Variants in METTL1 observed in about 807,000 individuals in gnomAD.
METTL1 encodes methyltransferase 1, tRNA methylguanosine.
METTL1 carries 14 observed loss-of-function variants against 27.7 expected under a neutral mutation model. The ratio of observed to expected loss-of-function variants is 0.51; its 90% CI spans 0.33 to 0.79. METTL1 has a LOEUF of 0.79. METTL1 is among the 30% of genes least tolerant of loss of function. The probability of loss-of-function intolerance (pLI) is 0.02; values close to 1 mark genes in which losing one functional copy is unlikely to be tolerated. For synonymous variants in METTL1, 138 were observed against 137.0 expected, an observed-to-expected ratio of 1.01 and a Z score of -0.05; for missense variants, 333 against 359.6, an observed-to-expected ratio of 0.93 and a Z score of 0.60.
chr12:57,769,651 C>T lies in METTL1; in HGVS notation c.487G>A (p.Asp163Asn), dbSNP rs754162485. Residue 163 changes from aspartate (D) to asparagine (N), a missense_variant, in exon 4 of 6, where the codon GAC becomes AAC. Physicochemically the swap from Asp to Asn is conservative, Grantham distance 23. Coordinates refer to ENST00000324871, the MANE Select transcript of METTL1 (RefSeq NM_005371.6). Reference sequence around the variant, plus strand: ...TGCTTTGTCCGCTTGAAATGTGGGTCGGGGAAGAGGAAGAACATCTTTGTC... The same window carrying T: ...TGCTTTGTCCGCTTGAAATGTGGGTTGGGGAAGAGGAAGAACATCTTTGTC... Reference protein sequence around the residue: ...QLTKMFFLFPDPHFKRTKHKW... With the variant: ...QLTKMFFLFPNPHFKRTKHKW... 15 of 1,561,944 alleles carry T rather than the reference C, an allele frequency of 9.6e-6. No homozygotes were observed. The highest frequency in any genetic ancestry group is 2.3e-5 in the East Asian group (1 of 44,368).
chr12:57,771,908 C>G, intron 1 of METTL1, 66 bp downstream of exon 1: 2 of 1,452,398 alleles, frequency 1.4e-6, no homozygotes, highest in Non-Finnish European at 1.8e-6. Context: ...GCAGTTGCAG[C>G]ACAACTGCTC....
In METTL1 at chr12:57,771,382, G is replaced by C. The variant is rs1423932490; in HGVS notation, c.111-125C>G. On this transcript the variant is annotated intron_variant, in intron 1 of 5. Coordinates refer to ENST00000324871, the MANE Select transcript of METTL1 (RefSeq NM_005371.6). ...GGGAGGAGGGTTTCTCAAAAATTCT[G>C]TAACACTGGGCCCTGTGGCCTCTAA... The C allele has an allele frequency of 3.4e-6, 5 of 1,471,648 alleles. No homozygotes were observed. The African/African-American group carries it at 7.1e-5, about 21-fold the overall frequency. 91.2% of individuals were successfully genotyped at this position (1,471,648 alleles called of 1,614,324 possible).
At position 57,769,120 on chromosome 12, in the gene METTL1, G is replaced by A. The variant is rs1310393638; in HGVS notation, c.707C>T (p.Thr236Ile). 8.1e-6 allele frequency: 13 copies of A among 1,606,918 alleles called. No homozygotes were observed. Among genetic ancestry groups the A allele is most frequent in the African/African-American group, 1.3e-5 (1 of 74,918 alleles). Residue 236 changes from threonine (T) to isoleucine (I), a missense_variant, in exon 6 of 6, where the codon ACC becomes ATC. By Grantham distance (89) the Thr-to-Ile change is moderately conservative. Coordinates refer to ENST00000324871, the MANE Select transcript of METTL1 (RefSeq NM_005371.6). ...AACTTTCTTCCCCTCCTCAGTTGAGGTGCCTAGATGTCCCACAACGGGGTC... is the reference window on the plus strand; with the variant it reads ...AACTTTCTTCCCCTCCTCAGTTGAGATGCCTAGATGTCCCACAACGGGGTC... ...SEDPVVGHLGTSTEEGKKVLR... is the reference protein window; with the variant it reads ...SEDPVVGHLGISTEEGKKVLR...
At position 57,771,960 on chromosome 12, in the gene METTL1, T is replaced by G. The variant is rs556221752; in HGVS notation, c.110+14A>C. The G allele has an allele frequency of 1.3e-6, 2 of 1,501,718 alleles. No individual in the cohort carries two copies. The highest frequency in any genetic ancestry group is 8.8e-7 in the Non-Finnish European group (1 of 1,130,926). The allele number at this position is 1,501,718 out of a possible 1,614,324, so 93.0% of individuals were successfully genotyped here. A position where few individuals can be genotyped will look rare whatever the true frequency, so the allele number is the denominator to read the frequency against. ...AATCCCGCCCTCCTCTCTCTCCCTC[T>G]GCCCACTCCTCACTAGCGCAGCGTG... On this transcript the variant is annotated intron_variant, in intron 1 of 5. Coordinates refer to ENST00000324871, the MANE Select transcript of METTL1 (RefSeq NM_005371.6).
rs1595125490 is a variant in METTL1, at chr12:57,772,073, T to C, written c.11A>G (p.Glu4Gly). Residue 4 changes from glutamate (E) to glycine (G), a missense_variant, in exon 1 of 6, where the codon GAG becomes GGG. Coordinates refer to ENST00000324871, the MANE Select transcript of METTL1 (RefSeq NM_005371.6). The surrounding 1 kb of genome is among the most constrained non-coding windows in gnomAD (Gnocchi z 4.1). MAA[E>G]TRNVAGAEAP... ...CTCTGCTCCGGCCACGTTCCGAGTC[T>C]CGGCTGCCATGATCCCAGTCCGGGG... The C allele has an allele frequency of 2.6e-6, 4 of 1,562,384 alleles. No homozygotes were observed. In the South Asian group the frequency reaches 4.8e-5, roughly 19 times the overall value.
At chr12:57,771,895 C>T in intron 1 of METTL1, 79 bp downstream of exon 1, 1 of 1,434,896 alleles carries the variant, frequency 7.0e-7, no homozygotes, top group Non-Finnish European at 9.3e-7. Flanking sequence ...CCAAATCCTC[C>T]CAGCAGTTGC....
intron 2 of METTL1, 58 bp downstream of exon 2, chr12:57,771,036 T>C (rs973848039): frequency 4.5e-6 from 7 of 1,569,816 alleles, no homozygotes; most frequent in Non-Finnish European, 6.0e-6. Flanking sequence ...CAAAAGTTGC[T>C]GAGGCAGCAG....
In METTL1 at chr12:57,769,835, C is replaced by T. The variant is rs776759442; in HGVS notation, c.396G>A (p.Gln132=). 5.0e-6 allele frequency: 8 copies of T among 1,614,200 alleles called. No homozygotes were observed. In the South Asian group the frequency reaches 6.6e-5, roughly 13 times the overall value. ...ALRAAPAGGF[Q]NIACLRSNAM... ...CATTGCTACGGAGACAGGCGATGTTCTGGAAGCCACCTGCAGGAGCTGCGC... is the reference window on the plus strand; with the variant it reads ...CATTGCTACGGAGACAGGCGATGTTTTGGAAGCCACCTGCAGGAGCTGCGC... Residue 132 remains glutamine (Q), a synonymous_variant, in exon 3 of 6, where the codon CAG becomes CAA. Coordinates refer to ENST00000324871, the MANE Select transcript of METTL1 (RefSeq NM_005371.6).
chr12:57,769,715 C>A, intron 3 of METTL1, 37 bp from the exon 4 acceptor site: 1 of 1,605,664 alleles, frequency 6.2e-7, no homozygotes. Flanking sequence ...GTTGTGAGAG[C>A]CTGGCCTCCA....
Position 57,772,013 on chromosome 12 carries a change from C to T in METTL1, c.71G>A (p.Arg24His). 3 of 1,552,010 alleles carry T rather than the reference C, an allele frequency of 1.9e-6. No individual in the cohort carries two copies. The highest frequency in any genetic ancestry group is 2.6e-6 in the Non-Finnish European group (3 of 1,157,414). Residue 24 changes from arginine to histidine, a missense_variant, in exon 1 of 6, where the codon CGT becomes CAT. Coordinates refer to ENST00000324871, the MANE Select transcript of METTL1 (RefSeq NM_005371.6). This position sits in a 1 kb window ranked among gnomAD's most constrained non-coding sequence, Gnocchi z 4.1. ...PPPQKRYYRQ[R>H]AHSNPMADHT... ...GTCCGCCATGGGGTTGGAGTGAGCACGTTGCCGGTAGTAGCGCTTCTGGGG... is the reference window on the plus strand; with the variant it reads ...GTCCGCCATGGGGTTGGAGTGAGCATGTTGCCGGTAGTAGCGCTTCTGGGG...
Position 57,769,695 on chromosome 12 carries a change from C to T in METTL1, c.460-17G>A. 6.3e-7 allele frequency: 1 copy of T among 1,596,254 alleles called. No homozygotes were observed. The highest frequency in any genetic ancestry group is 8.6e-7 in the Non-Finnish European group (1 of 1,168,444). On this transcript the variant is annotated splice_polypyrimidine_tract_variant and intron_variant, in intron 3 of 5. Transcript: ENST00000324871. ...CTTTGTCAGCTGTGAGACAGACACA[C>T]ACCAACAGGGTTGTGAGAGCCTGGC...
chr12:57,772,071 T>C lies in METTL1; in HGVS notation c.13A>G (p.Thr5Ala). 1 of 1,561,552 alleles carries C rather than the reference T, an allele frequency of 6.4e-7. No individual in the cohort carries two copies. The highest frequency in any genetic ancestry group is 1.2e-5 in the South Asian group (1 of 83,652). ...GCCTCTGCTCCGGCCACGTTCCGAG[T>C]CTCGGCTGCCATGATCCCAGTCCGG... MAAE[T>A]RNVAGAEAPP... The change falls in exon 1 of 6, where the codon ACT (threonine) becomes GCT (alanine). Residue 5 changes from threonine to alanine, a missense_variant. Physicochemically the swap from Thr to Ala is moderately conservative, Grantham distance 58. Transcript: ENST00000324871. The surrounding 1 kb of genome is among the most constrained non-coding windows in gnomAD (Gnocchi z 4.1).
chr12:57,769,340 T>C lies in METTL1; in HGVS notation c.638A>G (p.Glu213Gly). ...LHDWMCTHFE[E>G]HPLFERVPLE... ...AGGCACACGCTCAAACAGTGGGTGC[T>C]CTTCGAAATGAGTGCACATCCAGTC... The change falls in exon 5 of 6, where the codon GAG becomes GGG. Residue 213 changes from glutamate (E) to glycine (G), a missense_variant. Physicochemically the swap from Glu to Gly is moderately conservative, Grantham distance 98. Transcript: ENST00000324871. 6.2e-7 allele frequency: 1 copy of C among 1,614,194 alleles called. No homozygotes were observed.
chr12:57,771,880 C>G lies in METTL1; in HGVS notation c.110+94G>C, dbSNP rs573741093. ...CGTCACCCATCTGATCCTCCCGGGT[C>G]TACCCCAAATCCTCCCAGCAGTTGC... On this transcript the variant is annotated intron_variant, in intron 1 of 5. Coordinates refer to ENST00000324871, the MANE Select transcript of METTL1 (RefSeq NM_005371.6). 40 of 1,392,612 alleles carry G rather than the reference C, an allele frequency of 2.9e-5. No homozygotes were observed. The South Asian group carries it at 4.7e-4, about 16-fold the overall frequency. The allele number at this position is 1,392,612 out of a possible 1,614,324, so 86.3% of individuals were successfully genotyped here. A position where few individuals can be genotyped will look rare whatever the true frequency, so the allele number is the denominator to read the frequency against.
chr12:57,771,086 A>G lies in METTL1; in HGVS notation c.274+8T>C, dbSNP rs1378920202. On this transcript the variant is annotated splice_region_variant and intron_variant, in intron 2 of 5. Coordinates refer to ENST00000324871, the MANE Select transcript of METTL1 (RefSeq NM_005371.6). ...CTTCTCACCCCAAAAAGAGGGCCTG[A>G]GTGTTACCTAACAGGCCACCATAGC... is the stretch of plus-strand genomic sequence containing the variant. The G allele has an allele frequency of 1.2e-6, 2 of 1,612,338 alleles. No homozygotes were observed. The highest frequency in any genetic ancestry group is 4.5e-5 in the East Asian group (2 of 44,890).
chr12:57,771,737 T>G, intron 1 of METTL1: 1 of 1,367,448 alleles, frequency 7.3e-7, no homozygotes, highest in Non-Finnish European at 9.7e-7. Flanking sequence ...CAGTAACAAT[T>G]TATTTCTCTT....
Position 57,768,596 on chromosome 12 carries a change from CAT to C in METTL1, c.*398_*399del. The C allele has an allele frequency of 5.1e-6, 1 of 195,470 alleles. No individual in the cohort carries two copies. Among genetic ancestry groups the C allele is most frequent in the Non-Finnish European group, 1.1e-5 (1 of 93,330 alleles). 12.1% of individuals were successfully genotyped at this position (195,470 alleles called of 1,614,324 possible). On this transcript the variant is annotated 3_prime_UTR_variant, in exon 6 of 6. Coordinates refer to ENST00000324871, the MANE Select transcript of METTL1 (RefSeq NM_005371.6). ...CAGAATAGGCATGTGTACACATATACATGTTATCCCAGGATCCACAAAGCAAA... is the reference window on the plus strand; with the variant it reads ...CAGAATAGGCATGTGTACACATATACGTTATCCCAGGATCCACAAAGCAAA...
Position 57,769,092 on chromosome 12 carries a change from T to C in METTL1, c.735A>G (p.Leu245=), listed in dbSNP as rs1401479631. 2.5e-6 allele frequency: 4 copies of C among 1,611,328 alleles called. No individual in the cohort carries two copies. In the East Asian group the frequency reaches 6.7e-5, roughly 27 times the overall value. The change falls in exon 6 of 6, where the codon CTA becomes CTG. Residue 245 remains leucine, a synonymous_variant. Transcript: ENST00000324871. The stretch of plus-strand genomic sequence containing the variant: ...CTGGGAAATTCTTCCCTCCATTACG[T>C]AGAACTTTCTTCCCCTCCTCAGTTG... The part of the protein sequence containing the change: ...GTSTEEGKKV[L]RNGGKNFPAI...
intron 1 of METTL1, chr12:57,771,535 C>T (rs879867311): frequency 1.5e-5 from 23 of 1,533,442 alleles, no homozygotes; most frequent in Admixed American, 2.0e-5. Flanking sequence ...ACTGCCCTTT[C>T]TGGGGCACAA....
Sources: allele counts gnomAD v4.1 joint callset, GRCh38; gene constraint gnomAD v4.1.1; non-coding constraint Gnocchi (gnomAD v3.1); transcripts MANE v1.5; gene names NCBI Gene and HGNC (gene_info 2026-07-23, HGNC 2026-07-21).